The following FGG variants were observed in gnomAD, a reference collection of about 807,000 sequenced individuals.
FGG encodes fibrinogen, gamma polypeptide.
In FGG, 20 loss-of-function variants were observed where a neutral mutation model predicts 51.7. That is an observed-to-expected ratio of 0.39 (90% CI 0.27 to 0.56). FGG has a LOEUF of 0.56. Among genes scored for constraint, FGG ranks in the 20% least tolerant of loss-of-function variants. The pLI is 0.64. For synonymous variants in FGG, 184 were observed against 184.7 expected (o/e 1.00, Z 0.03); for missense variants, 460 against 534.2 (o/e 0.86, Z 1.37).
At position 154,606,932 on chromosome 4, in the gene FGG, C is replaced by T. The variant is rs121913088; in HGVS notation, c.902G>A (p.Arg301His). ...ACCAGCGAAGTAGGCATATGTTAGGCGGTACTTGTCAGCTTCAGGTCCCAC... is the reference window on the plus strand; with the variant it reads ...ACCAGCGAAGTAGGCATATGTTAGGTGGTACTTGTCAGCTTCAGGTCCCAC... ...FKVGPEADKY[R>H]LTYAYFAGGD... is the part of the protein sequence containing the mutation. The change falls in exon 8 of 9, where the codon CGC (arginine) becomes CAC (histidine). Residue 301 changes from arginine (R) to histidine (H), a missense_variant. Around this residue, in one of 3 missense-constraint regions of FGG, gnomAD observed 353 missense variants for 391.7 expected, o/e 0.90. Coordinates refer to ENST00000336098, the MANE Select transcript of FGG (RefSeq NM_021870.3). 5.0e-6 allele frequency: 8 copies of T among 1,613,272 alleles called. No individual in the cohort carries two copies. The highest frequency in any genetic ancestry group is 1.7e-5 in the Admixed American group (1 of 59,980).
In FGG at chr4:154,610,159, A is replaced by G; in HGVS notation, c.440T>C (p.Ile147Thr). The change falls in exon 5 of 9, where the codon ATT becomes ACT. Residue 147 changes from isoleucine (I) to threonine (T), a missense_variant. Ile to Thr is a moderately conservative substitution (Grantham distance 89, BLOSUM62 -1). Around this residue, in one of 3 missense-constraint regions of FGG, gnomAD observed 353 missense variants for 391.7 expected, o/e 0.90. Coordinates refer to ENST00000336098, the MANE Select transcript of FGG (RefSeq NM_021870.3). Reference protein sequence around the residue: ...QEIYNSNNQKIVNLKEKVAQL... With the variant: ...QEIYNSNNQKTVNLKEKVAQL... ...GGCTACCTTCTCTTTCAGGTTAACA[A>G]TCTTTTGATTATTTGAATTATATAT... 6.3e-7 allele frequency: 1 copy of G among 1,598,798 alleles called. No individual in the cohort carries two copies. Among genetic ancestry groups the G allele is most frequent in the Non-Finnish European group, 8.6e-7 (1 of 1,166,226 alleles).
Position 154,606,730 on chromosome 4 carries a change from G to A in FGG, c.1104C>T (p.Gly368=). The A allele has an allele frequency of 6.2e-7, 1 of 1,613,822 alleles. No individual in the cohort carries two copies. The highest frequency in any genetic ancestry group is 1.3e-5 in the African/African-American group (1 of 75,000). The part of the protein sequence containing the change: ...SGWWMNKCHA[G]HLNGVYYQGG... ...CTTGGTAATAAACTCCATTGAGATG[G>A]CCAGCGTGACACTTGTTCATCCACC... The change falls in exon 8 of 9, where the codon GGC becomes GGT. Residue 368 remains glycine (G), a synonymous_variant. Coordinates refer to ENST00000336098, the MANE Select transcript of FGG (RefSeq NM_021870.3).
At chr4:154,609,561 A>G in intron 6 of FGG, 69 bp downstream of exon 6, 1 of 1,578,362 alleles carries the variant, frequency 6.3e-7, no homozygotes, top group Non-Finnish European at 8.7e-7. Context: ...AGGTGCTTAG[A>G]AAAGTATCTG....
chr4:154,604,416 G>A lies in FGG; in HGVS notation c.*418C>T. The A allele has an allele frequency of 1.5e-6, 2 of 1,375,728 alleles. No individual in the cohort carries two copies. Among genetic ancestry groups the A allele is most frequent in the South Asian group, 1.5e-5 (1 of 68,372 alleles). 85.2% of individuals were successfully genotyped at this position (1,375,728 alleles called of 1,614,324 possible). A position where few individuals can be genotyped will look rare whatever the true frequency, so the allele number is the denominator to read the frequency against. ...AGACATAATTTTCTCCATTTAAAAA[G>A]AAGAATTAAATAGGAATGATTTAGG... On this transcript the variant is annotated 3_prime_UTR_variant, in exon 9 of 9. Transcript: ENST00000336098.
Position 154,612,559 on chromosome 4 carries a change from A to C in FGG, c.51T>G (p.Leu17=). ...PRNLILYFYA[L]LFLSSTCVAY... ...CTACACATGTTGAAGAGAGAAATAA[A>C]AGAGCATAGAAGTAGAGAATTAAAT... The change falls in exon 1 of 9, where the codon CTT becomes CTG. Residue 17 remains leucine, a synonymous_variant. Transcript: ENST00000336098. 6.2e-6 allele frequency: 10 copies of C among 1,614,024 alleles called. No homozygotes were observed. The highest frequency in any genetic ancestry group is 7.6e-6 in the Non-Finnish European group (9 of 1,179,914).
chr4:154,612,062 T>C lies in FGG; in HGVS notation c.263A>G (p.Lys88Arg). The change falls in exon 3 of 9, where the codon AAA (lysine) becomes AGA (arginine). Residue 88 changes from lysine (K) to arginine (R), a missense_variant. Coordinates refer to ENST00000336098, the MANE Select transcript of FGG (RefSeq NM_021870.3). ...AGGATTATAAGTGAGTTGGATTGCT[T>C]TTATCAGCTGTTTGACTTCTGATGT... ...NKTSEVKQLI[K>R]AIQLTYNPDE... 1.2e-6 allele frequency: 2 copies of C among 1,613,138 alleles called. No individual in the cohort carries two copies. Among genetic ancestry groups the C allele is most frequent in the Non-Finnish European group, 1.7e-6 (2 of 1,179,760 alleles).
intron 7 of FGG, among the ~76,000 whole-genome samples, chr4:154,608,018 A>C (rs772538895): frequency 5.3e-5 from 8 of 152,158 alleles, no homozygotes; most frequent in Non-Finnish European, 1.2e-4. Flanking sequence ...TTGCTTTTCA[A>C]CCAGGATAGT....
At position 154,604,791 on chromosome 4, in the gene FGG, T is replaced by G. The variant is rs772823889; in HGVS notation, c.*43A>C. On this transcript the variant is annotated 3_prime_UTR_variant, in exon 9 of 9. Transcript: ENST00000336098. ...AAAAAAGGAAGAAACTTTCAGAGAA[T>G]TTCTGAAACTTTGTGGGTCAATAGA... 15 of 1,612,154 alleles carry G rather than the reference T, an allele frequency of 9.3e-6. No individual in the cohort carries two copies. Among genetic ancestry groups the G allele is most frequent in the Non-Finnish European group, 1.3e-5 (15 of 1,179,656 alleles).
At chr4:154,607,776 A>G (rs1403936106) in intron 7 of FGG, among the ~76,000 whole-genome samples, 1 of 152,194 alleles carries the variant, frequency 6.6e-6, no homozygotes. Context: ...AAGCAATAAA[A>G]AAAAGTCCAT....
Position 154,612,065 on chromosome 4 carries a change from A to C in FGG, c.260T>G (p.Ile87Arg). The C allele has an allele frequency of 6.2e-7, 1 of 1,613,098 alleles. No individual in the cohort carries two copies. Among genetic ancestry groups the C allele is most frequent in the Non-Finnish European group, 8.5e-7 (1 of 1,179,754 alleles). ...ATTATAAGTGAGTTGGATTGCTTTT[A>C]TCAGCTGTTTGACTTCTGATGTTTT... ...ENKTSEVKQL[I>R]KAIQLTYNPD... Residue 87 changes from isoleucine (I) to arginine (R), a missense_variant, in exon 3 of 9, where the codon ATA becomes AGA. By Grantham distance (97) the Ile-to-Arg change is moderately conservative. Around this residue, in one of 3 missense-constraint regions of FGG, gnomAD observed 353 missense variants for 391.7 expected, o/e 0.90. Transcript: ENST00000336098.
chr4:154,607,160 A>G (rs1731116421), intron 7 of FGG, among the ~76,000 whole-genome samples, 178 bp from the exon 8 acceptor site: 1 of 152,222 alleles, frequency 6.6e-6, no homozygotes, highest in Non-Finnish European at 1.5e-5. Flanking sequence ...GAACCAGTCC[A>G]CAGCTCATTA....
rs1277286065 is a variant in FGG, at chr4:154,609,625, A to G, written c.666+5T>C. 6.2e-7 allele frequency: 1 copy of G among 1,613,838 alleles called. No homozygotes were observed. The highest frequency in any genetic ancestry group is 8.5e-7 in the Non-Finnish European group (1 of 1,179,846). ...ATTAAATACACATGGTGGGGAAAAA[A>G]TTACCTTCTGAAACACAGTCCATCC... On this transcript the variant is annotated splice_donor_5th_base_variant and intron_variant, in intron 6 of 8. Coordinates refer to ENST00000336098, the MANE Select transcript of FGG (RefSeq NM_021870.3).
Position 154,609,762 on chromosome 4 carries a change from A to G in FGG, c.534T>C (p.Asp178=), listed in dbSNP as rs1426217717. ...CTCCCTTATTGGCAATGTCTTGACA[A>G]TCTAGAGAAGGAGAATCGACTTTTA... The part of the protein sequence containing the change: ...TVQIHDITGK[D]CQDIANKGAK... Residue 178 remains aspartate (D), a splice_region_variant and synonymous_variant, in exon 6 of 9, where the codon GAT becomes GAC. Transcript: ENST00000336098. The G allele has an allele frequency of 6.2e-7, 1 of 1,614,044 alleles. No individual in the cohort carries two copies. Among genetic ancestry groups the G allele is most frequent in the Non-Finnish European group, 8.5e-7 (1 of 1,179,938 alleles).
intron 8 of FGG, 95 bp from the exon 9 acceptor site, chr4:154,605,161 T>A: frequency 7.9e-7 from 1 of 1,260,226 alleles, no homozygotes; most frequent in Non-Finnish European, 1.1e-6. Context: ...GCATTGCCAG[T>A]TACATAAAAT....
rs1731236660 is a variant in FGG, at chr4:154,612,454, A to G, written c.79-19T>C. 1.2e-6 allele frequency: 2 copies of G among 1,613,838 alleles called. No homozygotes were observed. The highest frequency in any genetic ancestry group is 2.2e-5 in the South Asian group (2 of 91,090). ...CAACATACTAAAAGAGAAAAAATAC[A>G]GAAATTTCACTAGTTTATTATCTGT... On this transcript the variant is annotated intron_variant, in intron 1 of 8. Transcript: ENST00000336098.
rs121913096 is a variant in FGG at position 154,606,908 on chromosome 4, C to T, written c.926G>A (p.Gly309Asp). ...KYRLTYAYFA[G>D]GDAGDAFDGF... ...ATCAAAGGCATCTCCAGCATCCCCA[C>T]CAGCGAAGTAGGCATATGTTAGGCG... The change falls in exon 8 of 9, where the codon GGT becomes GAT. Residue 309 changes from glycine to aspartate, a missense_variant. Physicochemically the swap from Gly to Asp is moderately conservative, Grantham distance 94 (BLOSUM62 -1). Coordinates refer to ENST00000336098, the MANE Select transcript of FGG (RefSeq NM_021870.3). 1 of 1,613,848 alleles carries T rather than the reference C, an allele frequency of 6.2e-7. No homozygotes were observed. The highest frequency in any genetic ancestry group is 8.5e-7 in the Non-Finnish European group (1 of 1,179,828).
rs1388304794 is a variant in FGG, at chr4:154,604,247, GC to G, written c.*586del. On this transcript the variant is annotated 3_prime_UTR_variant, in exon 9 of 9. Transcript: ENST00000336098. ...TCTTTTGCTCTTAAAATGAAGTGAA[GC>G]TTTGCAAGTCCATTGTCCAATAGGA... The G allele has an allele frequency of 2.0e-6, 2 of 999,678 alleles. No homozygotes were observed. Among genetic ancestry groups the G allele is most frequent in the African/African-American group, 1.7e-5 (1 of 58,130 alleles). The allele number at this position is 999,678 out of a possible 1,614,324, so 61.9% of individuals were successfully genotyped here.
At chr4:154,605,184 C>G (rs940863086) in intron 8 of FGG, 118 bp from the exon 9 acceptor site, 1 of 945,258 alleles carries the variant, frequency 1.1e-6, no homozygotes, top group Non-Finnish European at 1.6e-6. Context: ...ATAGTATTAT[C>G]TGCTAACTGA....
chr4:154,611,342 G>A (rs1731207848), intron 4 of FGG: 1 of 159,976 alleles, frequency 6.3e-6, no homozygotes, highest in Non-Finnish European at 1.4e-5. Context: ...GCCACACTTA[G>A]TCTCTCAAGA....
Sources: allele counts gnomAD v4.1 joint callset (sites outside exome capture counted in the v4.1 genomes callset), GRCh38; gene constraint gnomAD v4.1.1; regional missense constraint gnomAD v4.1.1; transcripts MANE v1.5; gene names NCBI Gene and HGNC (gene_info 2026-07-23, HGNC 2026-07-21).